The following ASB2 variants were observed in gnomAD, a reference collection of about 807,000 sequenced individuals.
ASB2 encodes ankyrin repeat and SOCS box containing 2.
ASB2 carries 58 observed loss-of-function variants against 62.4 expected under a neutral mutation model. The ratio of observed to expected loss-of-function variants is 0.93; its 90% CI spans 0.75 to 1.16. The LOEUF (loss-of-function observed/expected upper bound fraction) is 1.16. Ranked by LOEUF, ASB2 falls within the 50% of genes most tolerant of loss-of-function variation. The pLI is 0.00. For missense variants in ASB2, 928 were observed against 887.9 expected (o/e 1.05, Z -0.57); for synonymous variants, 386 against 385.3 (o/e 1.00, Z -0.02).
chr14:93,962,233 G>A (rs1889437815), intron 2 of ASB2, among the ~76,000 whole-genome samples: 1 of 140,982 alleles, frequency 7.1e-6, no homozygotes. Context: ...TCCTGCCTCA[G>A]CTTCCCAAGT....
intron 9 of ASB2, among the ~76,000 whole-genome samples, chr14:93,936,872 G>C (rs1283629518): frequency 1.3e-5 from 2 of 152,184 alleles, no homozygotes; most frequent in Non-Finnish European, 2.9e-5. Flanking sequence ...GAATGCCACT[G>C]CACAGATACC....
intron 7 of ASB2, chr14:93,942,409 C>T (rs1888561753): frequency 2.4e-6 from 1 of 412,618 alleles, no homozygotes; most frequent in Admixed American, 2.5e-5. Flanking sequence ...AGGGTCATTC[C>T]AGGAAGACCC....
At chr14:93,937,127 G>A (rs1023058524) in intron 9 of ASB2, among the ~76,000 whole-genome samples, 7 of 152,162 alleles carry the variant, frequency 4.6e-5, no homozygotes, top group African/African-American at 1.7e-4. Flanking sequence ...ACCCAGCAAG[G>A]CCCTGGCAAG....
intron 2 of ASB2, among the ~76,000 whole-genome samples, chr14:93,957,696 T>A (rs1370880484): frequency 6.6e-6 from 1 of 152,158 alleles, no homozygotes; most frequent in African/African-American, 2.4e-5. Context: ...CATTTTATCA[T>A]CATTTTGCCT....
At chr14:93,961,195 T>C (rs941485) in intron 2 of ASB2, among the ~76,000 whole-genome samples, 98,665 of 152,084 alleles carry the variant, frequency 0.65, 33,655 homozygotes, top group East Asian at 0.97. Context: ...CTTATTTGCT[T>C]TTCACAGGAA....
At chr14:93,937,242 C>T (rs1452266242) in intron 9 of ASB2, among the ~76,000 whole-genome samples, 1 of 152,204 alleles carries the variant, frequency 6.6e-6, no homozygotes, top group Non-Finnish European at 1.5e-5. Flanking sequence ...TCCCCGGCCC[C>T]GCCCCAGACC....
intron 1 of ASB2, among the ~76,000 whole-genome samples, chr14:93,971,108 C>G (rs1419724568): frequency 6.6e-6 from 1 of 152,208 alleles, no homozygotes; most frequent in African/African-American, 2.4e-5. Context: ...CCCACAAGCT[C>G]TCCTCCATTT....
chr14:93,959,631 T>A (rs1489757969), intron 2 of ASB2, among the ~76,000 whole-genome samples: 1 of 152,222 alleles, frequency 6.6e-6, no homozygotes, highest in Non-Finnish European at 1.5e-5. Context: ...AGGTAGGGCC[T>A]CTGTCCTTTG....
At chr14:93,956,363 C>G (rs1416711900) in intron 3 of ASB2, among the ~76,000 whole-genome samples, 2 of 152,204 alleles carry the variant, frequency 1.3e-5, no homozygotes, top group African/African-American at 4.8e-5. Flanking sequence ...GAGACTGGGA[C>G]AAACAGAAGG....
intron 7 of ASB2, among the ~76,000 whole-genome samples, chr14:93,945,184 A>AG (rs954408111): frequency 6.6e-6 from 1 of 152,200 alleles, no homozygotes; most frequent in Non-Finnish European, 1.5e-5. Context: ...TGTGCAGGCT[A>AG]GAATTGGGGG....
intron 6 of ASB2, among the ~76,000 whole-genome samples, chr14:93,950,645 T>A (rs1443920846): frequency 6.6e-6 from 1 of 152,180 alleles, no homozygotes; most frequent in African/African-American, 2.4e-5. Flanking sequence ...AGTTCTACAA[T>A]TAATTTGCTA....
chr14:93,959,221 A>G (rs1003869913), intron 2 of ASB2, among the ~76,000 whole-genome samples: 1 of 152,164 alleles, frequency 6.6e-6, no homozygotes, highest in Non-Finnish European at 1.5e-5. Flanking sequence ...CAGCTCATTA[A>G]AATTTATCTT....
chr14:93,950,899 C>T, intron 6 of ASB2, 100 bp downstream of exon 6: 6 of 1,342,220 alleles, frequency 4.5e-6, no homozygotes, highest in East Asian at 2.3e-5. Flanking sequence ...AGTGTGCGCA[C>T]AAGATGACCC....
intron 7 of ASB2, chr14:93,942,359 C>T (rs1242946978): frequency 2.2e-6 from 1 of 445,124 alleles, no homozygotes; most frequent in African/African-American, 2.0e-5. Context: ...CCAGCTTAGC[C>T]TTTCCTGTCT....
Position 93,951,066 on chromosome 14 carries a change from G to GCCGT in ASB2, c.809_812dup (p.Ile272ArgfsTer26). ...GGGCGGCCACGAACAAGGGGGTGAT[G>GCCGT]CCGTAGGCGTTCTTGGATTCCACCT... On this transcript the variant is annotated frameshift_variant, in exon 6 of 10. Transcript: ENST00000555019. LOFTEE classifies it high-confidence loss of function. 1 of 1,614,194 alleles carries GCCGT rather than the reference G, an allele frequency of 6.2e-7. No individual in the cohort carries two copies. The highest frequency in any genetic ancestry group is 8.5e-7 in the Non-Finnish European group (1 of 1,180,046).
chr14:93,963,140 T>C (rs773201166), intron 2 of ASB2, among the ~76,000 whole-genome samples: 1 of 152,218 alleles, frequency 6.6e-6, no homozygotes, highest in Non-Finnish European at 1.5e-5. Flanking sequence ...AGGGCTGAGA[T>C]GCACCATCAC....
chr14:93,957,258 G>A, intron 2 of ASB2: 1 of 1,171,552 alleles, frequency 8.5e-7, no homozygotes, highest in Non-Finnish European at 1.1e-6. Context: ...CAGGCTCACT[G>A]CTGGCCAGGC....
chr14:93,942,478 C>T (rs1163267104), intron 7 of ASB2, among the ~76,000 whole-genome samples: 1 of 152,228 alleles, frequency 6.6e-6, no homozygotes. Flanking sequence ...TTCCGAATCA[C>T]TGGGCTCTTG....
intron 7 of ASB2, 179 bp from the exon 8 acceptor site, chr14:93,939,851 A>C (rs1013549524): frequency 3.9e-5 from 19 of 486,348 alleles, no homozygotes; most frequent in African/African-American, 3.7e-4. Context: ...CCCACTGGGC[A>C]GGGTGGGTCG....
Sources: allele counts gnomAD v4.1 joint callset (sites outside exome capture counted in the v4.1 genomes callset), GRCh38; gene constraint gnomAD v4.1.1; transcripts MANE v1.5; gene names NCBI Gene and HGNC (gene_info 2026-07-23, HGNC 2026-07-21).